The following CCDC30 variants were observed in gnomAD, a reference collection of about 807,000 sequenced individuals.
CCDC30 encodes coiled-coil domain-containing protein 30.
Under a neutral mutation model 100.2 loss-of-function variants are expected in CCDC30, and 70 were observed. That is an observed-to-expected ratio of 0.70 (90% CI 0.58 to 0.85). CCDC30 has a LOEUF of 0.85. Ranked by LOEUF, CCDC30 falls within the 40% of genes least tolerant of loss-of-function variation. The pLI is 0.00. For missense variants in CCDC30, 652 were observed against 771.2 expected (o/e 0.85, Z 1.83); for synonymous variants, 233 against 269.5 (o/e 0.86, Z 1.33).
chr1:42,617,362 T>C (rs1646745872), intron 11 of CCDC30, among the ~76,000 whole-genome samples: 2 of 152,196 alleles, frequency 1.3e-5, no homozygotes, highest in Non-Finnish European at 2.9e-5. Flanking sequence ...CATGAGAAGT[T>C]AGAGACTTGG....
chr1:42,638,598 G>C (rs1294928370), intron 12 of CCDC30, among the ~76,000 whole-genome samples: 1 of 151,654 alleles, frequency 6.6e-6, no homozygotes, highest in Non-Finnish European at 1.5e-5. Flanking sequence ...AAGAGGCAGG[G>C]CACGGTGGCT....
intron 11 of CCDC30, among the ~76,000 whole-genome samples, chr1:42,613,532 G>A (rs1048783299): frequency 2.0e-5 from 3 of 152,170 alleles, no homozygotes; most frequent in Non-Finnish European, 4.4e-5. Context: ...GGGATTACAG[G>A]CGTGAGCCAC....
At chr1:42,583,224 C>T (rs1458361373) in intron 9 of CCDC30, among the ~76,000 whole-genome samples, 1 of 152,174 alleles carries the variant, frequency 6.6e-6, no homozygotes, top group African/African-American at 2.4e-5. Flanking sequence ...GCATCAATGA[C>T]TTCAGCATTC....
intron 11 of CCDC30, among the ~76,000 whole-genome samples, chr1:42,623,443 T>A (rs1245079209): frequency 6.6e-6 from 1 of 152,206 alleles, no homozygotes; most frequent in African/African-American, 2.4e-5. Flanking sequence ...AGTTTTATTC[T>A]TCTGCATATG....
At chr1:42,590,855 A>G (rs28844082) in intron 10 of CCDC30, 36,540 of 152,130 alleles carry the variant, frequency 0.24, 4,816 homozygotes, top group South Asian at 0.42. Flanking sequence ...AGATGGAAAT[A>G]AGGAAGTTAT....
At chr1:42,473,357 C>G in intron 1 of CCDC30, 1 of 1,010,296 alleles carries the variant, frequency 9.9e-7, no homozygotes, top group Non-Finnish European at 1.3e-6. Flanking sequence ...GTTCATTGCC[C>G]TTCATTAAAT....
chr1:42,642,065 A>C (rs1203210268), intron 12 of CCDC30, among the ~76,000 whole-genome samples: 3 of 151,976 alleles, frequency 2.0e-5, no homozygotes, highest in Non-Finnish European at 4.4e-5. Context: ...CTCTACTAAA[A>C]ATACAAAAAA....
At chr1:42,624,224 C>G (rs1274625677) in intron 11 of CCDC30, among the ~76,000 whole-genome samples, 1 of 152,070 alleles carries the variant, frequency 6.6e-6, no homozygotes, top group African/African-American at 2.4e-5. Context: ...AAAATTGTTT[C>G]TTCTGTCCCC....
chr1:42,550,045 C>A (rs1412307782), intron 6 of CCDC30, among the ~76,000 whole-genome samples: 1 of 152,208 alleles, frequency 6.6e-6, no homozygotes, highest in Non-Finnish European at 1.5e-5. Flanking sequence ...TTTTCATCCT[C>A]CTCCAAACTA....
At chr1:42,610,981 G>A (rs2148641757) in exon 11 of CCDC30, 1 of 1,582,492 alleles carries the variant, frequency 6.3e-7, no homozygotes, top group Non-Finnish European at 8.7e-7. Context: ...TTTTCAGCAT[G>A]TCAAAAGCAA....
At chr1:42,503,642 C>T (rs1246280110) in intron 6 of CCDC30, among the ~76,000 whole-genome samples, 1 of 152,230 alleles carries the variant, frequency 6.6e-6, no homozygotes, top group East Asian at 1.9e-4. Context: ...TTCCTATTGG[C>T]ACAACTGCTG....
chr1:42,494,036 A>T (rs1644189340), intron 4 of CCDC30, among the ~76,000 whole-genome samples: 1 of 152,218 alleles, frequency 6.6e-6, no homozygotes, highest in African/African-American at 2.4e-5. Context: ...GAGCATGGCG[A>T]AACCCCATCT....
At chr1:42,577,926 C>G (rs1301973472) in intron 8 of CCDC30, among the ~76,000 whole-genome samples, 3 of 152,144 alleles carry the variant, frequency 2.0e-5, no homozygotes. Flanking sequence ...AGGCATGAGC[C>G]ACCGCGCCTG....
upstream of CCDC30, chr1:42,460,040 CAGT>C (rs1301146399): frequency 4.2e-6 from 6 of 1,437,898 alleles, no homozygotes; most frequent in East Asian, 7.4e-5. Flanking sequence ...AGGGAAAAGG[CAGT>C]GGTGTGTAGG....
intron 6 of CCDC30, among the ~76,000 whole-genome samples, chr1:42,532,350 T>A (rs1339357385): frequency 6.6e-6 from 1 of 152,070 alleles, no homozygotes. Context: ...GAAAAATAAT[T>A]TAGGAAATCA....
intron 6 of CCDC30, among the ~76,000 whole-genome samples, chr1:42,544,943 A>G (rs976673135): frequency 1.3e-5 from 2 of 152,102 alleles, no homozygotes; most frequent in African/African-American, 4.8e-5. Flanking sequence ...CGTAAGATAT[A>G]TCTAATATTC....
intron 11 of CCDC30, among the ~76,000 whole-genome samples, chr1:42,633,791 C>T (rs1647088154): frequency 1.3e-5 from 2 of 152,104 alleles, no homozygotes; most frequent in South Asian, 2.1e-4. Flanking sequence ...GTATTAGTCA[C>T]TTCTCATGCT....
At chr1:42,547,293 G>C (rs573435008) in intron 6 of CCDC30, among the ~76,000 whole-genome samples, 17 of 152,312 alleles carry the variant, frequency 1.1e-4, no homozygotes, top group Admixed American at 9.8e-4. Context: ...TTTTGAGGAA[G>C]ATTGTTCTAG....
chr1:42,633,666 T>C (rs978825285), intron 11 of CCDC30, among the ~76,000 whole-genome samples: 2 of 152,106 alleles, frequency 1.3e-5, no homozygotes, highest in African/African-American at 4.8e-5. Context: ...TCTTAGCACT[T>C]TGGGAAGCTG....
Sources: gnomAD v4.1 joint callset for allele counts (sites outside exome capture counted in the v4.1 genomes callset) on GRCh38, gnomAD v4.1.1 for gene constraint, MANE v1.5 for transcripts, NCBI Gene and HGNC (gene_info 2026-07-23, HGNC 2026-07-21) for gene names.